Variants in FGF14 observed in about 807,000 individuals in gnomAD.
The protein encoded by FGF14 is fibroblast growth factor homologous factor 4.
A neutral mutation model predicts 25.5 loss-of-function variants in FGF14; 5 were observed. That is an observed-to-expected ratio of 0.20 (90% CI 0.10 to 0.41). The LOEUF is 0.41. FGF14 is among the 10% of genes least tolerant of loss of function. The probability of loss-of-function intolerance (pLI) is 1.00; values close to 1 mark genes in which losing one functional copy is unlikely to be tolerated. For synonymous variants in FGF14, 138 were observed against 118.3 expected (o/e 1.17, Z -1.08); for missense variants, 222 against 320.1 (o/e 0.69, Z 2.34).
intron 1 of FGF14, among the ~76,000 whole-genome samples, chr13:102,276,036 T>C (rs2053520604): frequency 6.6e-6 from 1 of 151,974 alleles, no homozygotes. Flanking sequence ...ATTTTACTTT[T>C]AGGAAGCATT....
At chr13:102,291,050 G>A (rs1303985578) in intron 1 of FGF14, among the ~76,000 whole-genome samples, 2 of 152,150 alleles carry the variant, frequency 1.3e-5, no homozygotes, top group African/African-American at 4.8e-5. Context: ...AACAAAGAGA[G>A]AGTTAAAATG....
Position 101,722,504 on chromosome 13 carries a change from T to C in FGF14, c.*327A>G. 1 of 381,472 alleles carries C rather than the reference T, an allele frequency of 2.6e-6. No homozygotes were observed. The highest frequency in any genetic ancestry group is 2.4e-5 in the South Asian group (1 of 42,450). 23.6% of individuals were successfully genotyped at this position (381,472 alleles called of 1,614,324 possible). On this transcript the variant is annotated 3_prime_UTR_variant, in exon 5 of 5. Transcript: ENST00000376143. ...GGACTCAAAAAGGATTATGGGTAGC[T>C]GTCAGCAGGCAAGGTATCGAGTGTA...
chr13:102,302,478 C>A (rs2055119748), intron 1 of FGF14, among the ~76,000 whole-genome samples: 1 of 152,054 alleles, frequency 6.6e-6, no homozygotes, highest in Non-Finnish European at 1.5e-5. Flanking sequence ...CCAGGTGGAG[C>A]CATGGACTCA....
chr13:101,753,561 T>C (rs1429268006), intron 3 of FGF14, among the ~76,000 whole-genome samples: 2 of 152,126 alleles, frequency 1.3e-5, no homozygotes, highest in African/African-American at 2.4e-5. Context: ...TCCCAGCACT[T>C]TGGGAGGCTG....
chr13:101,743,383 A>G (rs1414292267), intron 3 of FGF14, among the ~76,000 whole-genome samples: 1 of 152,228 alleles, frequency 6.6e-6, no homozygotes, highest in Non-Finnish European at 1.5e-5. Flanking sequence ...AAATGGGAAC[A>G]TAAGCTTGTT....
chr13:102,150,994 G>A (rs2047059455), intron 1 of FGF14, among the ~76,000 whole-genome samples: 2 of 152,160 alleles, frequency 1.3e-5, no homozygotes. Context: ...GGATACACTA[G>A]CAGTAGATAA....
At chr13:102,060,516 ACT>A (rs1032469291) in intron 1 of FGF14, among the ~76,000 whole-genome samples, 62 of 152,316 alleles carry the variant, frequency 4.1e-4, no homozygotes, top group African/African-American at 1.5e-3. Context: ...ATAGAGCGAG[ACT>A]CTGTCTCAAA....
At position 102,070,938 on chromosome 13, in the gene FGF14, GAAAAC is replaced by G. The variant is rs201543881; in HGVS notation, c.209-195647_209-195643del. Reference sequence around the variant, plus strand: ...CTAAGGACTGCAATCTTGTTTGCTAGAAAACAAAACAAAACAAAACACACACACAC... The same window carrying G: ...CTAAGGACTGCAATCTTGTTTGCTAGAAAACAAAACAAAACACACACACAC... On this transcript the variant is annotated intron_variant, in intron 1 of 4. Transcript: ENST00000376131. Among the ~76,000 whole-genome samples, 6 of 141,004 alleles carry G rather than the reference GAAAAC, an allele frequency of 4.3e-5. No homozygotes were observed. In the East Asian group the frequency reaches 8.6e-4, roughly 20 times the overall value. The allele number at this position is 141,004 out of a possible 152,430, so 92.5% of individuals were successfully genotyped here. A position where few individuals can be genotyped will look rare whatever the true frequency, so the allele number is the denominator to read the frequency against.
At chr13:102,087,485 C>A (rs147419417) in intron 1 of FGF14, among the ~76,000 whole-genome samples, 100 of 130,370 alleles carry the variant, frequency 7.7e-4, no homozygotes, top group African/African-American at 2.7e-3. Context: ...GATCTCGGCT[C>A]ATTGCAAGCT....
chr13:101,833,043 C>T (rs1206956523), intron 3 of FGF14, among the ~76,000 whole-genome samples: 3 of 151,932 alleles, frequency 2.0e-5, no homozygotes, highest in Non-Finnish European at 2.9e-5. Flanking sequence ...AGTAGTTCAC[C>T]GCCCTGGAAT....
intron 2 of FGF14, among the ~76,000 whole-genome samples, chr13:101,872,674 G>T (rs2045169541): frequency 6.6e-6 from 1 of 152,056 alleles, no homozygotes; most frequent in Non-Finnish European, 1.5e-5. Flanking sequence ...TCTGCCAATT[G>T]TATTAAATTT....
At chr13:101,846,256 G>T (rs2043453259) in intron 3 of FGF14, among the ~76,000 whole-genome samples, 1 of 151,592 alleles carries the variant, frequency 6.6e-6, no homozygotes, top group African/African-American at 2.4e-5. Context: ...TTTCCTATGG[G>T]CATATCACTT....
At position 102,019,410 on chromosome 13, in the gene FGF14, G is replaced by A. The variant is rs994154698; in HGVS notation, c.209-144114C>T. On this transcript the variant is annotated intron_variant, in intron 1 of 4. Coordinates refer to the FGF14 transcript ENST00000376131. The stretch of plus-strand genomic sequence containing the variant: ...CTAGTGAAGACTTTCAGGGTCCTGA[G>A]TGCCCCGCTCGAGAGCATCTCCAGT... Among the ~76,000 whole-genome samples the A allele has an allele frequency of 9.9e-5, 15 of 152,122 alleles. No individual in the cohort carries two copies. In the East Asian group the frequency reaches 2.9e-3, roughly 29 times the overall value.
chr13:102,329,043 A>G (rs928785160), intron 1 of FGF14, among the ~76,000 whole-genome samples: 4 of 152,082 alleles, frequency 2.6e-5, no homozygotes, highest in African/African-American at 9.7e-5. Flanking sequence ...CTGTCACCCC[A>G]TATGGTTCTG....
intron 3 of FGF14, among the ~76,000 whole-genome samples, chr13:101,829,499 A>C (rs1021727268): frequency 1.3e-5 from 2 of 152,084 alleles, no homozygotes; most frequent in African/African-American, 4.8e-5. Context: ...TACACTAGCC[A>C]GTCAGCATTG....
intron 1 of FGF14, among the ~76,000 whole-genome samples, chr13:102,029,887 A>G (rs1210777995): frequency 2.0e-5 from 3 of 152,084 alleles, no homozygotes; most frequent in Non-Finnish European, 2.9e-5. Context: ...CCTGTTATGC[A>G]TTAGGCTCAG....
intron 1 of FGF14, among the ~76,000 whole-genome samples, chr13:102,336,594 C>A (rs764025644): frequency 2.6e-5 from 4 of 152,180 alleles, no homozygotes; most frequent in Non-Finnish European, 4.4e-5. Flanking sequence ...AACGTGTCTA[C>A]ACTAAACAAC....
At chr13:102,363,059 T>C (rs890851712) in intron 1 of FGF14, among the ~76,000 whole-genome samples, 4 of 152,220 alleles carry the variant, frequency 2.6e-5, no homozygotes, top group African/African-American at 9.6e-5. Context: ...CTGACTTGAC[T>C]TTAATAATAT....
chr13:102,357,753 T>C (rs1478728759), intron 1 of FGF14, among the ~76,000 whole-genome samples: 1 of 152,222 alleles, frequency 6.6e-6, no homozygotes, highest in East Asian at 1.9e-4. Flanking sequence ...GCTAGTGTTC[T>C]TGTCTGGTAG....
Sources: gnomAD v4.1 joint callset for allele counts (sites outside exome capture counted in the v4.1 genomes callset) on GRCh38, gnomAD v4.1.1 for gene constraint, MANE v1.5 for transcripts, NCBI Gene and HGNC (gene_info 2026-07-23, HGNC 2026-07-21) for gene names.